PDE8A: variants seen among roughly 807,000 people sequenced by gnomAD.
PDE8A encodes the protein phosphodiesterase 8A, also known as high affinity cAMP-specific and IBMX-insensitive 3',5'-cyclic phosphodiesterase 8A.
PDE8A carries 59 observed loss-of-function variants against 105.0 expected under a neutral mutation model. That is an observed-to-expected ratio of 0.56 (90% CI 0.46 to 0.70). The LOEUF is 0.70. PDE8A is among the 30% of genes least tolerant of loss of function. The pLI, the probability that PDE8A is intolerant of heterozygous loss-of-function variation, is 0.00. For synonymous variants in PDE8A, 355 were observed against 371.9 expected (o/e 0.95, Z 0.52); for missense variants, 1,014 against 1,045.9 (o/e 0.97, Z 0.42).
At chr15:85,041,828 A>G (rs1180249416) in intron 1 of PDE8A, among the ~76,000 whole-genome samples, 3 of 152,106 alleles carry the variant, frequency 2.0e-5, no homozygotes, top group African/African-American at 7.2e-5. Flanking sequence ...TCCCCATCCT[A>G]ATGTCCCCCA....
At chr15:85,059,048 T>C (rs1486212920) in intron 1 of PDE8A, among the ~76,000 whole-genome samples, 3 of 152,224 alleles carry the variant, frequency 2.0e-5, no homozygotes, top group Admixed American at 2.0e-4. Flanking sequence ...CTGTTTTTGC[T>C]GCTACATCCC....
intron 1 of PDE8A, among the ~76,000 whole-genome samples, chr15:85,026,701 C>T (rs1266568210): frequency 6.6e-6 from 1 of 152,090 alleles, no homozygotes; most frequent in East Asian, 1.9e-4. Flanking sequence ...GATGCTTGAG[C>T]CCAAAAGTTT....
At chr15:85,001,557 C>G (rs2080067890) in intron 1 of PDE8A, among the ~76,000 whole-genome samples, 1 of 152,042 alleles carries the variant, frequency 6.6e-6, no homozygotes, top group Non-Finnish European at 1.5e-5. Flanking sequence ...GATGGATATC[C>G]TAGGGACTGG....
intron 1 of PDE8A, among the ~76,000 whole-genome samples, chr15:85,020,633 A>G (rs906430286): frequency 1.3e-5 from 2 of 152,178 alleles, no homozygotes; most frequent in African/African-American, 4.8e-5. Flanking sequence ...AAGTTTTTTT[A>G]ATTTTGAAAT....
At chr15:85,115,533 G>A in intron 15 of PDE8A, 46 bp downstream of exon 15, 9 of 938,250 alleles carry the variant, frequency 9.6e-6, no homozygotes, top group Non-Finnish European at 9.7e-6. Context: ...CTATAATACT[G>A]CAGTCTAGCT....
chr15:85,015,965 G>A (rs535925563), intron 1 of PDE8A, among the ~76,000 whole-genome samples: 1 of 152,026 alleles, frequency 6.6e-6, no homozygotes, highest in Admixed American at 6.6e-5. Context: ...GCAAAACCTC[G>A]TCTCTATTAA....
rs1258442632 is a variant in PDE8A, at chr15:85,009,108, AGAGTGTGTGT to A, written c.186+26762_186+26771del. 4.1e-3 allele frequency among the ~76,000 whole-genome samples: 175 copies of A among 42,230 alleles called. 1 individual carries two copies. The highest frequency in any genetic ancestry group is 0.018 in the African/African-American group (152 of 8,552). The allele number at this position is 42,230 out of a possible 152,430, so 27.7% of individuals were successfully genotyped here. A position where few individuals can be genotyped will look rare whatever the true frequency, so the allele number is the denominator to read the frequency against. On this transcript the variant is annotated intron_variant, in intron 1 of 21. Coordinates refer to ENST00000394553, the MANE Select transcript of PDE8A (RefSeq NM_002605.3). ...TAGTGTGTGAGAGAGAGAGAGAGAGAGAGTGTGTGTGTGTGTGTGTGTGTGTGTGTGTGTG... is the reference window on the plus strand; with the variant it reads ...TAGTGTGTGAGAGAGAGAGAGAGAGAGTGTGTGTGTGTGTGTGTGTGTGTG...
At chr15:85,123,773 C>A (rs1299863850) in intron 19 of PDE8A, among the ~76,000 whole-genome samples, 1 of 152,154 alleles carries the variant, frequency 6.6e-6, no homozygotes, top group African/African-American at 2.4e-5. Flanking sequence ...TCACAGTGGG[C>A]TCACTGAATT....
intron 19 of PDE8A, 142 bp downstream of exon 19, chr15:85,123,335 GATACACACACACACACACAC>G: frequency 2.1e-6 from 1 of 480,270 alleles, no homozygotes; most frequent in Non-Finnish European, 3.7e-6. Context: ...GAACTAATGG[GATACACACACACACACACAC>G]ACACACACAC....
intron 1 of PDE8A, among the ~76,000 whole-genome samples, chr15:85,019,043 G>A (rs2080376091): frequency 6.6e-6 from 1 of 152,192 alleles, no homozygotes; most frequent in African/African-American, 2.4e-5. Context: ...GGGAGGTGTA[G>A]TTGGTCAAGC....
intron 1 of PDE8A, among the ~76,000 whole-genome samples, chr15:84,995,267 T>C (rs762114287): frequency 2.6e-5 from 4 of 152,126 alleles, no homozygotes; most frequent in Non-Finnish European, 5.9e-5. Context: ...TACCACAGAT[T>C]AGTTTTGCCT....
intron 1 of PDE8A, among the ~76,000 whole-genome samples, chr15:85,027,245 C>A (rs1447250048): frequency 2.0e-5 from 3 of 152,072 alleles, no homozygotes; most frequent in Non-Finnish European, 4.4e-5. Flanking sequence ...AAGTTTTAGT[C>A]CAATCTTTGC....
At chr15:85,025,791 G>A (rs1271963250) in intron 1 of PDE8A, among the ~76,000 whole-genome samples, 2 of 152,188 alleles carry the variant, frequency 1.3e-5, no homozygotes, top group African/African-American at 4.8e-5. Flanking sequence ...AGGACATCAG[G>A]TTATCCTTAG....
intron 1 of PDE8A, among the ~76,000 whole-genome samples, chr15:85,001,161 C>T (rs1329577125): frequency 6.6e-6 from 1 of 152,130 alleles, no homozygotes; most frequent in South Asian, 2.1e-4. Context: ...CGAGTACTCA[C>T]ATTTCCAGGG....
At chr15:84,982,472 A>G in intron 1 of PDE8A, 124 bp downstream of exon 1, 1 of 531,858 alleles carries the variant, frequency 1.9e-6, no homozygotes, top group Non-Finnish European at 2.9e-6. Context: ...CCCGCTTTGG[A>G]TGGTTCTGAT....
chr15:84,982,021 T>A lies in PDE8A; in HGVS notation c.-142T>A, dbSNP rs933635300. The A allele has an allele frequency of 1.1e-4, 41 of 380,152 alleles. No individual in the cohort carries two copies. The highest frequency in any genetic ancestry group is 1.6e-4 in the Non-Finnish European group (37 of 232,820). 23.5% of individuals were successfully genotyped at this position (380,152 alleles called of 1,614,324 possible). ...ACCGCGATAAAAGGGGCGGCCGCGT[T>A]TCCTGACGCGAGATCCGCGCTCGCC... On this transcript the variant is annotated 5_prime_UTR_variant, in exon 1 of 22. Transcript: ENST00000394553.
chr15:85,024,164 T>C (rs142308093), intron 1 of PDE8A, among the ~76,000 whole-genome samples: 29 of 152,322 alleles, frequency 1.9e-4, no homozygotes, highest in African/African-American at 7.0e-4. Flanking sequence ...TTGAACCCTC[T>C]GATCCGTCTA....
intron 1 of PDE8A, among the ~76,000 whole-genome samples, chr15:85,025,789 A>G (rs971994538): frequency 6.6e-6 from 1 of 152,210 alleles, no homozygotes; most frequent in African/African-American, 2.4e-5. Flanking sequence ...CAAGGACATC[A>G]GGTTATCCTT....
chr15:85,069,217 T>C (rs891935111), intron 3 of PDE8A, among the ~76,000 whole-genome samples: 1 of 152,204 alleles, frequency 6.6e-6, no homozygotes, highest in Non-Finnish European at 1.5e-5. Flanking sequence ...TTATATAGTT[T>C]TAAAGTAAAG....
Sources: gnomAD v4.1 joint callset for allele counts (sites outside exome capture counted in the v4.1 genomes callset) on GRCh38, gnomAD v4.1.1 for gene constraint, MANE v1.5 for transcripts, NCBI Gene and HGNC (gene_info 2026-07-23, HGNC 2026-07-21) for gene names.